Variants in PTPRD observed in about 807,000 individuals in gnomAD.
PTPRD encodes protein tyrosine phosphatase receptor type D, also known as receptor-type tyrosine-protein phosphatase delta.
PTPRD carries 34 observed loss-of-function variants against 214.5 expected under a neutral mutation model. That is an observed-to-expected ratio of 0.16 (90% CI 0.12 to 0.21). PTPRD has a LOEUF of 0.21. Ranked by LOEUF, PTPRD falls within the 10% of genes least tolerant of loss-of-function variation. The probability of loss-of-function intolerance (pLI) is 1.00; values close to 1 mark genes in which losing one functional copy is unlikely to be tolerated. For missense variants in PTPRD, 2,545 were observed against 2,398.7 expected (o/e 1.06, Z -1.27); for synonymous variants, 1,128 against 845.7 (o/e 1.33, Z -5.79).
intron 9 of PTPRD, among the ~76,000 whole-genome samples, chr9:9,248,383 C>T (rs529024376): frequency 6.6e-6 from 1 of 152,132 alleles, no homozygotes; most frequent in South Asian, 2.1e-4. Context: ...CATGAGCCAC[C>T]GTGCCTGGCC....
intron 4 of PTPRD, among the ~76,000 whole-genome samples, chr9:9,992,556 T>A (rs556442560): frequency 5.1e-4 from 78 of 152,278 alleles, no homozygotes; most frequent in Non-Finnish European, 8.7e-4. Context: ...AACCCAAATG[T>A]CCATCAATGA....
intron 4 of PTPRD, among the ~76,000 whole-genome samples, chr9:9,969,124 G>A (rs1377137730): frequency 6.6e-6 from 1 of 152,076 alleles, no homozygotes; most frequent in Non-Finnish European, 1.5e-5. Context: ...GTCTCACTGA[G>A]GAAATAACAA....
At chr9:8,344,250 C>G (rs1013555944) in intron 39 of PTPRD, among the ~76,000 whole-genome samples, 1 of 152,068 alleles carries the variant, frequency 6.6e-6, no homozygotes, top group African/African-American at 2.4e-5. Context: ...GGAAACCACA[C>G]TGTAAACCTT....
intron 8 of PTPRD, among the ~76,000 whole-genome samples, chr9:9,483,129 G>C (rs1023211103): frequency 2.0e-5 from 3 of 152,090 alleles, no homozygotes; most frequent in African/African-American, 4.8e-5. Context: ...TAAAAGCATT[G>C]TGGTACAATA....
At chr9:9,064,279 A>G (rs2099719169) in intron 10 of PTPRD, among the ~76,000 whole-genome samples, 1 of 152,196 alleles carries the variant, frequency 6.6e-6, no homozygotes, top group Admixed American at 6.5e-5. Context: ...AGGATTAAAA[A>G]TATGGATGTC....
At position 10,365,256 on chromosome 9, in the gene PTPRD, T is replaced by G. The variant is rs2097493718; in HGVS notation, c.-599-24239A>C. Among the ~76,000 whole-genome samples the G allele has an allele frequency of 2.0e-5, 3 of 152,278 alleles. No homozygotes were observed. In the South Asian group the frequency reaches 6.2e-4, roughly 32 times the overall value. On this transcript the variant is annotated intron_variant, in intron 2 of 45. Transcript: ENST00000381196. ...ACTTGCAGGTTAAAAAATGTTAAGT[T>G]GTCCACTCTGCTTATAGATTTAAGC... is the stretch of plus-strand genomic sequence containing the variant.
intron 2 of PTPRD, among the ~76,000 whole-genome samples, chr9:10,394,169 C>CTATATACATAGATATCTATGT (rs2098126579): frequency 7.2e-6 from 1 of 138,312 alleles, no homozygotes; most frequent in African/African-American, 2.7e-5. Flanking sequence ...GATATATATA[C>CTATATACATAGATATCTATGT]ATATATATCT....
At chr9:10,599,505 T>C (rs1222172537) in intron 2 of PTPRD, among the ~76,000 whole-genome samples, 4 of 151,760 alleles carry the variant, frequency 2.6e-5, no homozygotes, top group Admixed American at 2.6e-4. Context: ...TCAGGAATTC[T>C]GACATATGAC....
chr9:8,503,818 A>T (rs1361623322), intron 23 of PTPRD, among the ~76,000 whole-genome samples: 2 of 152,238 alleles, frequency 1.3e-5, no homozygotes, highest in African/African-American at 4.8e-5. Context: ...TACATGAAAT[A>T]AGGACTTGTT....
intron 14 of PTPRD, among the ~76,000 whole-genome samples, chr9:8,539,843 C>T (rs1461008278): frequency 6.6e-6 from 1 of 152,042 alleles, no homozygotes; most frequent in Non-Finnish European, 1.5e-5. Flanking sequence ...GAACTGGAGC[C>T]TCTGTGGAAA....
intron 12 of PTPRD, among the ~76,000 whole-genome samples, chr9:8,645,115 A>G (rs1463138732): frequency 2.0e-5 from 3 of 152,262 alleles, no homozygotes; most frequent in Non-Finnish European, 4.4e-5. Context: ...TAAAATGTAT[A>G]CTGATTGTCT....
intron 3 of PTPRD, among the ~76,000 whole-genome samples, chr9:10,038,926 G>A (rs1054408865): frequency 1.3e-4 from 19 of 151,924 alleles, no homozygotes; most frequent in South Asian, 2.1e-4. Context: ...AGCCTCTAAC[G>A]CTGACGATAA....
intron 3 of PTPRD, among the ~76,000 whole-genome samples, chr9:10,040,472 G>C (rs2097275909): frequency 6.6e-6 from 1 of 152,048 alleles, no homozygotes; most frequent in African/African-American, 2.4e-5. Flanking sequence ...CCACTACCCT[G>C]AGTGTGGGAT....
chr9:8,551,668 T>C (rs753998656), intron 14 of PTPRD, among the ~76,000 whole-genome samples: 8 of 152,200 alleles, frequency 5.3e-5, no homozygotes, highest in Non-Finnish European at 1.0e-4. Context: ...AGGAGAACCA[T>C]TAATTAGTTT....
chr9:10,517,495 A>T (rs1160975635), intron 2 of PTPRD, among the ~76,000 whole-genome samples: 1 of 152,020 alleles, frequency 6.6e-6, no homozygotes, highest in African/African-American at 2.4e-5. Flanking sequence ...TACACATAAG[A>T]TCATGTCATT....
chr9:9,796,700 A>G (rs2099004777), intron 5 of PTPRD, among the ~76,000 whole-genome samples: 1 of 152,212 alleles, frequency 6.6e-6, no homozygotes, highest in Non-Finnish European at 1.5e-5. Flanking sequence ...TGAATTTGGA[A>G]GGTAAAGTCG....
At chr9:10,334,811 G>C (rs1337283954) in intron 3 of PTPRD, among the ~76,000 whole-genome samples, 1 of 151,384 alleles carries the variant, frequency 6.6e-6, no homozygotes, top group African/African-American at 2.4e-5. Flanking sequence ...TTAACAAGTG[G>C]AATTTGAAAC....
At chr9:8,870,666 G>A (rs969069696) in intron 11 of PTPRD, among the ~76,000 whole-genome samples, 11 of 129,436 alleles carry the variant, frequency 8.5e-5, no homozygotes, top group African/African-American at 3.2e-4. Context: ...TAGAAAACAG[G>A]GTTATAAGAC....
At position 8,740,455 on chromosome 9, in the gene PTPRD, T is replaced by A. The variant is rs528254578; in HGVS notation, c.-103-6509A>T. ...ACATTCGATTAATATTAGCGAGGGA[T>A]ACGGGAAACACATTCTTAAATGTAT... On this transcript the variant is annotated intron_variant, in intron 11 of 45. Coordinates refer to ENST00000381196, the MANE Select transcript of PTPRD (RefSeq NM_002839.4). Among the ~76,000 whole-genome samples, 96 of 152,270 alleles carry A rather than the reference T, an allele frequency of 6.3e-4. No homozygotes were observed. In the South Asian group the frequency reaches 8.3e-3, roughly 13 times the overall value.
Sources: allele counts gnomAD v4.1 joint callset (sites outside exome capture counted in the v4.1 genomes callset), GRCh38; gene constraint gnomAD v4.1.1; transcripts MANE v1.5; gene names NCBI Gene and HGNC (gene_info 2026-07-23, HGNC 2026-07-21).